RPL12: variants seen among roughly 807,000 people sequenced by gnomAD.
RPL12 encodes the protein large ribosomal subunit protein uL11.
A neutral mutation model predicts 24.5 loss-of-function variants in RPL12; 10 were observed. That is an observed-to-expected ratio of 0.41 (90% CI 0.25 to 0.69). RPL12 has a LOEUF of 0.69. Ranked by LOEUF, RPL12 falls within the 30% of genes least tolerant of loss-of-function variation. The pLI, the probability that RPL12 is intolerant of heterozygous loss-of-function variation, is 0.33. For missense variants in RPL12, 137 were observed against 205.3 expected (o/e 0.67, Z 2.03); for synonymous variants, 74 against 76.1 (o/e 0.97, Z 0.14).
intron 1 of RPL12, 28 bp downstream of exon 1, chr9:127,451,253 C>G: frequency 6.2e-7 from 1 of 1,610,824 alleles, no homozygotes; most frequent in Non-Finnish European, 8.5e-7. Context: ...CTCCATCCCG[C>G]AGCCCCGGCC....
At chr9:127,449,108 A>C in intron 4 of RPL12, 173 bp downstream of exon 4, 1 of 562,474 alleles carries the variant, frequency 1.8e-6, no homozygotes, top group South Asian at 1.9e-5. Flanking sequence ...TACAGGTGTG[A>C]GCCACCCAGC....
At chr9:127,450,515 G>T in intron 2 of RPL12, 1 of 521,474 alleles carries the variant, frequency 1.9e-6, no homozygotes, top group East Asian at 3.5e-5. Flanking sequence ...TAAAGCAGCA[G>T]TGGAGACACA....
chr9:127,450,987 G>A, intron 1 of RPL12, 183 bp from the exon 2 acceptor site: 1 of 644,326 alleles, frequency 1.6e-6, no homozygotes, highest in Non-Finnish European at 2.7e-6. Context: ...GGGAGGCGTG[G>A]AGAGAGCCCC....
chr9:127,451,095 C>A (rs1432905388), intron 1 of RPL12, 186 bp downstream of exon 1: 1 of 790,000 alleles, frequency 1.3e-6, no homozygotes, highest in African/African-American at 1.8e-5. Context: ...GTCCAGTCCT[C>A]CCTCCCCACC....
chr9:127,448,761 G>A lies in RPL12; in HGVS notation c.293-338C>T, dbSNP rs551259016. The A allele has an allele frequency of 3.8e-4, 165 of 438,264 alleles. 1 individual carries two copies. The highest frequency in any genetic ancestry group is 5.5e-4 in the South Asian group (29 of 52,492). The allele number at this position is 438,264 out of a possible 1,614,324, so 27.1% of individuals were successfully genotyped here. On this transcript the variant is annotated intron_variant, in intron 4 of 6. Transcript: ENST00000361436. The stretch of plus-strand genomic sequence containing the variant: ...ACCTGTATGTGGTCTCCTGATTATA[G>A]GTCATTATTGCTGACATCTTCCTCC...
chr9:127,447,810 T>G (rs1834198192), intron 6 of RPL12, 67 bp downstream of exon 6: 1 of 1,612,330 alleles, frequency 6.2e-7, no homozygotes, highest in East Asian at 2.2e-5. Flanking sequence ...ACTTCCCAGC[T>G]TATCTCTGTG....
intron 5 of RPL12, 95 bp from the exon 6 acceptor site, chr9:127,448,084 T>C (rs1588083012): frequency 1.4e-6 from 2 of 1,409,486 alleles, no homozygotes; most frequent in East Asian, 2.4e-5. Flanking sequence ...TAGCAGGCAA[T>C]GGAAGGAATG....
Position 127,449,634 on chromosome 9 carries a change from C to A in RPL12, c.186G>T (p.Leu62=), listed in dbSNP as rs748736522. 1 of 1,614,070 alleles carries A rather than the reference C, an allele frequency of 6.2e-7. No individual in the cohort carries two copies. Among genetic ancestry groups the A allele is most frequent in the Non-Finnish European group, 8.5e-7 (1 of 1,180,032 alleles). ...CCTGGGCCTGTCTGTTCTGAATGGT[C>A]AGTTTCACTGTAATCCTCAGGCCCT... ...DWKGLRITVK[L]TIQNRQAQIE... is the part of the protein sequence containing the mutation. The change falls in exon 3 of 7, where the codon CTG becomes CTT. Residue 62 remains leucine (L), a synonymous_variant. Transcript: ENST00000361436.
rs1834312534 is a variant in RPL12, at chr9:127,451,396, A to G, written c.-79T>C. 5.1e-6 allele frequency: 8 copies of G among 1,578,348 alleles called. No homozygotes were observed. Among genetic ancestry groups the G allele is most frequent in the South Asian group, 1.1e-5 (1 of 89,372 alleles). On this transcript the variant is annotated 5_prime_UTR_variant, in exon 1 of 7. Transcript: ENST00000361436. The stretch of plus-strand genomic sequence containing the variant: ...TGCACCTTGGCCTCCTCCGAGCCGA[A>G]AGCCGAGAGGCCGGAAATCGCGCGG...
intron 2 of RPL12, chr9:127,450,435 T>C (rs1031381931): frequency 3.0e-6 from 1 of 338,644 alleles, no homozygotes; most frequent in Non-Finnish European, 5.4e-6. Flanking sequence ...AATACAGATG[T>C]TGGCTGCCCA....
At chr9:127,451,198 C>G in intron 1 of RPL12, 83 bp downstream of exon 1, 1 of 1,556,516 alleles carries the variant, frequency 6.4e-7, no homozygotes, top group Non-Finnish European at 8.8e-7. Flanking sequence ...GCTTTAAGAG[C>G]CCCATACGGG....
intron 4 of RPL12, 97 bp from the exon 5 acceptor site, chr9:127,448,520 G>A (rs1178006853): frequency 5.8e-6 from 5 of 857,844 alleles, no homozygotes; most frequent in Non-Finnish European, 1.0e-5. Context: ...CATGCTTTCG[G>A]CACAGAGTCA....
intron 4 of RPL12, 38 bp downstream of exon 4, chr9:127,449,243 A>G (rs769134126): frequency 4.5e-6 from 7 of 1,552,666 alleles, no homozygotes; most frequent in Non-Finnish European, 6.2e-6. Flanking sequence ...CATCTCACAA[A>G]CCATTACCAA....
chr9:127,448,612 G>A (rs1478662706), intron 4 of RPL12, 189 bp from the exon 5 acceptor site: 4 of 756,924 alleles, frequency 5.3e-6, no homozygotes, highest in Non-Finnish European at 9.7e-6. Flanking sequence ...ACAGAGACCT[G>A]GTCAGGTGCA....
rs767192481 is a variant in RPL12 at position 127,451,365 on chromosome 9, G to A, written c.-48C>T. 1.1e-5 allele frequency: 18 copies of A among 1,594,414 alleles called. No individual in the cohort carries two copies. Among genetic ancestry groups the A allele is most frequent in the East Asian group, 8.9e-5 (4 of 44,778 alleles). ...TGAACCCGGATTCGGGACGACCGAA[G>A]GAAGTTGCACCTTGGCCTCCTCCGA... is the stretch of plus-strand genomic sequence containing the variant. On this transcript the variant is annotated 5_prime_UTR_variant, in exon 1 of 7. Transcript: ENST00000361436.
At chr9:127,447,847 C>T (rs771192161) in intron 6 of RPL12, 30 bp downstream of exon 6, 1 of 1,610,422 alleles carries the variant, frequency 6.2e-7, no homozygotes, top group African/African-American at 1.3e-5. Context: ...CCCCTTTCAC[C>T]CCTACTGTAA....
intron 5 of RPL12, 121 bp from the exon 6 acceptor site, chr9:127,448,110 TAATATAG>T (rs370482361): frequency 3.1e-5 from 38 of 1,228,890 alleles, no homozygotes; most frequent in African/African-American, 2.3e-4. Context: ...CCTGCTCCCC[TAATATAG>T]AATATAGAGT....
rs948497253 is a variant in RPL12 at position 127,451,383 on chromosome 9, T to G, written c.-66A>C. ...GACCGAAGGAAGTTGCACCTTGGCC[T>G]CCTCCGAGCCGAAAGCCGAGAGGCC... On this transcript the variant is annotated 5_prime_UTR_variant, in exon 1 of 7. Coordinates refer to ENST00000361436, the MANE Select transcript of RPL12 (RefSeq NM_000976.4). The G allele has an allele frequency of 1.3e-5, 20 of 1,596,176 alleles. No homozygotes were observed. Among genetic ancestry groups the G allele is most frequent in the East Asian group, 6.7e-5 (3 of 44,550 alleles).
chr9:127,450,509 G>A (rs1834271679), intron 2 of RPL12: 1 of 507,960 alleles, frequency 2.0e-6, no homozygotes, highest in Non-Finnish European at 3.5e-6. Flanking sequence ...GTACACTAAA[G>A]CAGCAGTGGA....
Sources: gnomAD v4.1 joint callset for allele counts on GRCh38, gnomAD v4.1.1 for gene constraint, MANE v1.5 for transcripts, NCBI Gene and HGNC (gene_info 2026-07-23, HGNC 2026-07-21) for gene names.